The following HNF1A variants were observed in gnomAD, a reference collection of about 807,000 sequenced individuals.
HNF1A encodes the protein HNF1 homeobox A.
A neutral mutation model predicts 62.2 loss-of-function variants in HNF1A; 21 were observed. That is an observed-to-expected ratio of 0.34 (90% confidence interval 0.24 to 0.49). The LOEUF (loss-of-function observed/expected upper bound fraction) is 0.49, where lower values mean the gene tolerates loss of function less well. Ranked by LOEUF, HNF1A falls within the 20% of genes least tolerant of loss-of-function variation. The probability of loss-of-function intolerance (pLI) is 0.99; values close to 1 mark genes in which losing one functional copy is unlikely to be tolerated. For missense variants in HNF1A, 687 were observed against 832.3 expected (o/e 0.83, Z 2.15); for synonymous variants, 374 against 366.8 (o/e 1.02, Z -0.22).
rs2135832842 is a variant in HNF1A at position 120,988,995 on chromosome 12, C to T, written c.489C>T (p.Tyr163=). 3 of 1,614,240 alleles carry T rather than the reference C, an allele frequency of 1.9e-6. No individual in the cohort carries two copies. The highest frequency in any genetic ancestry group is 2.5e-6 in the Non-Finnish European group (3 of 1,180,040). Residue 163 remains tyrosine (Y), a synonymous_variant, in exon 2 of 10, where the codon TAC becomes TAT. Coordinates refer to ENST00000257555, the MANE Select transcript of HNF1A (RefSeq NM_000545.8). ...PMKTQKRAAL[Y]TWYVRKQREV... ...AGACGCAGAAGCGGGCCGCCCTGTA[C>T]ACCTGGTACGTCCGCAAGCAGCGAG...
At chr12:120,985,986 A>AAC (rs1876490927) in intron 1 of HNF1A, among the ~76,000 whole-genome samples, 1 of 151,892 alleles carries the variant, frequency 6.6e-6, no homozygotes, top group Non-Finnish European at 1.5e-5. Context: ...TTTGTCTCAA[A>AAC]AAAAAAAACT....
At chr12:120,994,681 C>A (rs1877002294) in intron 4 of HNF1A, among the ~76,000 whole-genome samples, 1 of 149,602 alleles carries the variant, frequency 6.7e-6, no homozygotes, top group South Asian at 2.1e-4. Context: ...TCCATCCACT[C>A]TACTCCATTC....
chr12:121,000,635 T>C (rs148588465), intron 9 of HNF1A: 101 of 235,460 alleles, frequency 4.3e-4, no homozygotes, highest in African/African-American at 2.2e-3. Flanking sequence ...AACCGGTTTT[T>C]GCTCTTACGG....
chr12:120,989,268 C>CT (rs926007899), intron 2 of HNF1A, among the ~76,000 whole-genome samples: 21 of 151,828 alleles, frequency 1.4e-4, no homozygotes, highest in African/African-American at 5.1e-4. Context: ...CTTTCTTTTT[C>CT]TTTTTTTAGA....
In HNF1A at chr12:120,978,922, G is replaced by C; in HGVS notation, c.154G>C (p.Gly52Arg). ...CCTGGACAAGGGGGAGTCCTGCGGCGGCGGTCGAGGGGAGCTGGCTGAGCT... is the reference window on the plus strand; with the variant it reads ...CCTGGACAAGGGGGAGTCCTGCGGCCGCGGTCGAGGGGAGCTGGCTGAGCT... Reference protein sequence around the residue: ...GPLDKGESCGGGRGELAELPN... With the variant: ...GPLDKGESCGRGRGELAELPN... Residue 52 changes from glycine to arginine, a missense_variant, in exon 1 of 10, where the codon GGC becomes CGC. Gly to Arg is a moderately radical substitution (Grantham distance 125). Coordinates refer to ENST00000257555, the MANE Select transcript of HNF1A (RefSeq NM_000545.8). 1.9e-6 allele frequency: 3 copies of C among 1,611,084 alleles called. No individual in the cohort carries two copies. The highest frequency in any genetic ancestry group is 2.5e-6 in the Non-Finnish European group (3 of 1,178,730).
In HNF1A at chr12:120,983,966, CAGAG is replaced by C. The variant is rs1366587178; in HGVS notation, c.327-4863_327-4860del. ...TGTGTGTGTTTGTGTAAGAGACACA[CAGAG>C]AGACAGAAGAGAGAGAGTGATAGCA... On this transcript the variant is annotated intron_variant, in intron 1 of 9. Transcript: ENST00000257555. Among the ~76,000 whole-genome samples, 14 of 85,266 alleles carry C rather than the reference CAGAG, an allele frequency of 1.6e-4. No homozygotes were observed. The South Asian group carries it at 2.8e-3, about 17-fold the overall frequency. The allele number at this position is 85,266 out of a possible 152,430, so 55.9% of individuals were successfully genotyped here.
intron 4 of HNF1A, among the ~76,000 whole-genome samples, chr12:120,995,939 ATCAAT>A (rs748231253): frequency 2.6e-5 from 4 of 152,188 alleles, no homozygotes; most frequent in African/African-American, 9.7e-5. Flanking sequence ...TTCAGATTGT[ATCAAT>A]TCAATTCATT....
At position 121,002,132 on chromosome 12, in the gene HNF1A, A is replaced by G. The variant is rs1468090344; in HGVS notation, c.*940A>G. The G allele has an allele frequency of 5.7e-6, 3 of 525,294 alleles. No individual in the cohort carries two copies. Among genetic ancestry groups the G allele is most frequent in the Non-Finnish European group, 1.1e-5 (3 of 271,174 alleles). The allele number at this position is 525,294 out of a possible 1,614,324, so 32.5% of individuals were successfully genotyped here. ...CAAGGCAGCAAGGCCCGAGCAGCTG[A>G]GCAGGGCCGGGGAACTGGCCAAGCT... is the stretch of plus-strand genomic sequence containing the variant. On this transcript the variant is annotated 3_prime_UTR_variant, in exon 10 of 10. Transcript: ENST00000257555.
chr12:120,994,521 C>A, intron 4 of HNF1A, 116 bp downstream of exon 4: 2 of 1,148,546 alleles, frequency 1.7e-6, no homozygotes, highest in South Asian at 1.5e-5. Flanking sequence ...CCATTCCATT[C>A]ATGCCACTCC....
intron 1 of HNF1A, among the ~76,000 whole-genome samples, chr12:120,987,762 T>TGATC (rs768518630): frequency 2.0e-4 from 24 of 120,214 alleles, no homozygotes; most frequent in East Asian, 7.8e-4. Flanking sequence ...GTCACAAAGT[T>TGATC]GATCTATCTA....
At chr12:120,995,177 T>C (rs1483856971) in intron 4 of HNF1A, among the ~76,000 whole-genome samples, 1 of 150,840 alleles carries the variant, frequency 6.6e-6, no homozygotes, top group Non-Finnish European at 1.5e-5. Flanking sequence ...CCTGGCTCCA[T>C]CCACTCCACT....
At chr12:120,998,554 T>C (rs541081554) in intron 7 of HNF1A, among the ~76,000 whole-genome samples, 2 of 152,288 alleles carry the variant, frequency 1.3e-5, no homozygotes, top group Middle Eastern at 3.4e-3. Flanking sequence ...ATTTGGGGCC[T>C]GTGTATGTCT....
At chr12:120,999,997 A>G (rs1296855893) in intron 9 of HNF1A, among the ~76,000 whole-genome samples, 1 of 152,248 alleles carries the variant, frequency 6.6e-6, no homozygotes, top group Non-Finnish European at 1.5e-5. Flanking sequence ...TTTGTTGCCA[A>G]CATTTCAAAA....
chr12:120,983,305 G>T (rs575586757), intron 1 of HNF1A, among the ~76,000 whole-genome samples: 7 of 152,152 alleles, frequency 4.6e-5, no homozygotes, highest in Non-Finnish European at 8.8e-5. Context: ...CACTTACTGT[G>T]CACCAGGCAT....
intron 3 of HNF1A, 123 bp downstream of exon 3, chr12:120,993,829 T>A: frequency 9.6e-7 from 1 of 1,046,598 alleles, no homozygotes; most frequent in Non-Finnish European, 1.4e-6. Context: ...GATATTGGCT[T>A]AGCCTGGCCC....
chr12:120,988,456 C>G (rs550832973), intron 1 of HNF1A, among the ~76,000 whole-genome samples: 1 of 152,186 alleles, frequency 6.6e-6, no homozygotes, highest in Non-Finnish European at 1.5e-5. Context: ...ATCCGTCCAT[C>G]CACCCATTCA....
chr12:120,996,961 C>T lies in HNF1A; in HGVS notation c.1309+219C>T. ...CTCAAGCAGGGAGGCAGGCACTAAG[C>T]ATAATACATCAATTCTGTGGTACCT... On this transcript the variant is annotated intron_variant, in intron 6 of 9. Transcript: ENST00000257555. The surrounding 1 kb of genome is among the most constrained non-coding windows in gnomAD (Gnocchi z 4.5). 1.3e-6 allele frequency: 2 copies of T among 1,496,018 alleles called. No individual in the cohort carries two copies. The highest frequency in any genetic ancestry group is 1.8e-6 in the Non-Finnish European group (2 of 1,100,468). The allele number at this position is 1,496,018 out of a possible 1,614,324, so 92.7% of individuals were successfully genotyped here. A position where few individuals can be genotyped will look rare whatever the true frequency, so the allele number is the denominator to read the frequency against.
intron 1 of HNF1A, among the ~76,000 whole-genome samples, chr12:120,983,916 C>CTCTGTGTG (rs1484410766): frequency 7.3e-6 from 1 of 137,278 alleles, no homozygotes; most frequent in African/African-American, 2.8e-5. Context: ...CTTGAAGACT[C>CTCTGTGTG]TGTGTGTGTG....
At chr12:120,979,957 G>A (rs1347495270) in intron 1 of HNF1A, among the ~76,000 whole-genome samples, 1 of 151,770 alleles carries the variant, frequency 6.6e-6, no homozygotes, top group Non-Finnish European at 1.5e-5. Flanking sequence ...GTGGGGGTGG[G>A]GGATGGGGGT....
Sources: gnomAD v4.1 joint callset for allele counts (sites outside exome capture counted in the v4.1 genomes callset) on GRCh38, gnomAD v4.1.1 for gene constraint, Gnocchi (gnomAD v3.1) non-coding constraint, MANE v1.5 for transcripts, NCBI Gene and HGNC (gene_info 2026-07-23, HGNC 2026-07-21) for gene names.